Variants in RGL1 observed in about 807,000 individuals in gnomAD.
RGL1 encodes the protein ral guanine nucleotide dissociation stimulator-like 1.
Under a neutral mutation model 95.2 loss-of-function variants are expected in RGL1, and 24 were observed. The ratio of observed to expected loss-of-function variants is 0.25; its 90% CI spans 0.18 to 0.35. The LOEUF (loss-of-function observed/expected upper bound fraction) is 0.35. Among genes scored for constraint, RGL1 ranks in the 10% least tolerant of loss-of-function variants. The pLI, the probability that RGL1 is intolerant of heterozygous loss-of-function variation, is 1.00. For synonymous variants in RGL1, 329 were observed against 344.9 expected (o/e 0.95, Z 0.51); for missense variants, 715 against 936.3 (o/e 0.76, Z 3.08).
intron 2 of RGL1, among the ~76,000 whole-genome samples, chr1:183,843,971 G>A (rs1664243335): frequency 6.6e-6 from 1 of 152,152 alleles, no homozygotes; most frequent in Admixed American, 6.5e-5. Context: ...GAGACTACAG[G>A]CACGCACATT....
intron 1 of RGL1, among the ~76,000 whole-genome samples, chr1:183,737,923 T>A (rs1222752937): frequency 6.6e-6 from 1 of 152,212 alleles, no homozygotes; most frequent in Non-Finnish European, 1.5e-5. Context: ...GTATCAGGTG[T>A]TTTAAATTAA....
intron 2 of RGL1, among the ~76,000 whole-genome samples, chr1:183,841,484 A>G (rs1664054367): frequency 6.6e-6 from 1 of 152,346 alleles, no homozygotes; most frequent in East Asian, 1.9e-4. Context: ...AAGTTTTGTT[A>G]AGTTTGCCAC....
At chr1:183,718,150 G>A (rs1197961064) in intron 1 of RGL1, among the ~76,000 whole-genome samples, 1 of 151,800 alleles carries the variant, frequency 6.6e-6, no homozygotes, top group East Asian at 1.9e-4. Flanking sequence ...GGAGGCTGAG[G>A]CAGGAGAATC....
Position 183,775,226 on chromosome 1 carries a change from C to T in RGL1, c.133-31149C>T, listed in dbSNP as rs575096219. ...AATCTAGACTGAACCCCTGGTGTTT[C>T]GGTAACATATTCCATCTTCTAATGC... On this transcript the variant is annotated intron_variant, in intron 2 of 18. Coordinates refer to the RGL1 transcript ENST00000304685. Among the ~76,000 whole-genome samples, 233 of 152,256 alleles carry T rather than the reference C, an allele frequency of 1.5e-3. 1 individual carries two copies. The highest frequency in any genetic ancestry group is 4.9e-3 in the African/African-American group (202 of 41,544).
Position 183,729,182 on chromosome 1 carries a change from ATATG to A in RGL1, c.-32-12942_-32-12939del, listed in dbSNP as rs1171426705. On this transcript the variant is annotated intron_variant, in intron 1 of 18. Transcript: ENST00000304685. ...GGTAGACCTCAGACAGATAAAATAT[ATATG>A]TGTGTGTGTGTGTGTGTGTGTATAC... Among the ~76,000 whole-genome samples, 30 of 116,940 alleles carry A rather than the reference ATATG, an allele frequency of 2.6e-4. No individual in the cohort carries two copies. In the East Asian group the frequency reaches 0.013, roughly 52 times the overall value. The allele number at this position is 116,940 out of a possible 152,430, so 76.7% of individuals were successfully genotyped here. A position where few individuals can be genotyped will look rare whatever the true frequency, so the allele number is the denominator to read the frequency against.
intron 1 of RGL1, among the ~76,000 whole-genome samples, chr1:183,678,742 G>A (rs11802633): frequency 0.081 from 12,320 of 152,130 alleles, 923 homozygotes; most frequent in African/African-American, 0.2. Flanking sequence ...TTGAAAGAAT[G>A]AGTCTATTTC....
At chr1:183,701,045 G>C (rs1286651420) in intron 1 of RGL1, among the ~76,000 whole-genome samples, 1 of 152,076 alleles carries the variant, frequency 6.6e-6, no homozygotes, top group Non-Finnish European at 1.5e-5. Context: ...TGAGAATGAT[G>C]GCTTCCAGCT....
At chr1:183,866,289 CAAAACAAACA>C (rs1665834671) in intron 4 of RGL1, among the ~76,000 whole-genome samples, 1 of 151,958 alleles carries the variant, frequency 6.6e-6, no homozygotes, top group African/African-American at 2.4e-5. Context: ...CTAAGGTATA[CAAAACAAACA>C]AGTGAAGAAA....
intron 6 of RGL1, 38 bp from the exon 7 acceptor site, chr1:183,884,685 C>G (rs1667013462): frequency 1.3e-6 from 2 of 1,559,670 alleles, no homozygotes; most frequent in Non-Finnish European, 1.8e-6. Context: ...TATGAAATGT[C>G]TGTGTTGTCC....
intron 1 of RGL1, among the ~76,000 whole-genome samples, chr1:183,711,378 G>A (rs1261774662): frequency 6.6e-6 from 1 of 152,136 alleles, no homozygotes; most frequent in Non-Finnish European, 1.5e-5. Flanking sequence ...CATGGAGCCT[G>A]CAGTCTCTCC....
In RGL1 at chr1:183,721,556, G is replaced by A. The variant is rs115855816; in HGVS notation, c.-32-20570G>A. Among the ~76,000 whole-genome samples the A allele has an allele frequency of 8.1e-3, 1,227 of 152,274 alleles. 17 individuals are homozygous for A. The highest frequency in any genetic ancestry group is 0.027 in the African/African-American group (1,135 of 41,562). On this transcript the variant is annotated intron_variant, in intron 1 of 18. Transcript: ENST00000304685. The stretch of plus-strand genomic sequence containing the variant: ...TGTTAGAAAACGCCTTTCCCCTTCT[G>A]TCCTCTGCATACCTCACCAATCTTG...
intron 4 of RGL1, among the ~76,000 whole-genome samples, chr1:183,867,399 G>T (rs1665904989): frequency 6.6e-6 from 1 of 152,140 alleles, no homozygotes; most frequent in Non-Finnish European, 1.5e-5. Context: ...AGGATTTCAG[G>T]GAGGGAGTGA....
At chr1:183,694,431 A>G (rs1338160847) in intron 1 of RGL1, among the ~76,000 whole-genome samples, 1 of 152,180 alleles carries the variant, frequency 6.6e-6, no homozygotes, top group Non-Finnish European at 1.5e-5. Flanking sequence ...TTTTTCTTTC[A>G]GTCCTTCCTC....
At chr1:183,778,447 A>G (rs1659714464) in intron 2 of RGL1, among the ~76,000 whole-genome samples, 1 of 152,220 alleles carries the variant, frequency 6.6e-6, no homozygotes, top group Admixed American at 6.5e-5. Flanking sequence ...TAGTATGGGG[A>G]AAACTGTATA....
chr1:183,815,792 G>A (rs1317845686), intron 2 of RGL1, among the ~76,000 whole-genome samples: 1 of 152,168 alleles, frequency 6.6e-6, no homozygotes, highest in Admixed American at 6.5e-5. Context: ...AGTTATGTAT[G>A]TAAGGTGCTA....
chr1:183,802,640 C>T (rs202045212), upstream of RGL1, among the ~76,000 whole-genome samples: 254 of 91,772 alleles, frequency 2.8e-3, 3 homozygotes, highest in South Asian at 0.011. Flanking sequence ...AACTAATAAA[C>T]AAATTCAGTC....
At position 183,799,981 on chromosome 1, in the gene RGL1, A is replaced by G. The variant is rs531029036; in HGVS notation, c.133-6394A>G. Among the ~76,000 whole-genome samples, 134 of 152,312 alleles carry G rather than the reference A, an allele frequency of 8.8e-4. 2 individuals are homozygous for G. Among genetic ancestry groups the G allele is most frequent in the Non-Finnish European group, 3.2e-4 (22 of 68,020 alleles). ...CTCTATCAGATACTTTACATAGTAT[A>G]TTTCGTGTAATCCTCATGATAAGCA... is the stretch of plus-strand genomic sequence containing the variant. On this transcript the variant is annotated intron_variant, in intron 2 of 18. Coordinates refer to the RGL1 transcript ENST00000304685.
chr1:183,785,076 A>T (rs1660089204), intron 2 of RGL1, among the ~76,000 whole-genome samples: 1 of 152,172 alleles, frequency 6.6e-6, no homozygotes, highest in Non-Finnish European at 1.5e-5. Flanking sequence ...TGCTGCTCTA[A>T]TCCTTTCTCC....
At chr1:183,710,261 C>T (rs1446708098) in intron 1 of RGL1, 2 of 171,072 alleles carry the variant, frequency 1.2e-5, no homozygotes, top group African/African-American at 2.4e-5. Context: ...GCCTCCCCCG[C>T]ACCCCCACTT....
Sources: gnomAD v4.1 joint callset for allele counts (sites outside exome capture counted in the v4.1 genomes callset) on GRCh38, gnomAD v4.1.1 for gene constraint, MANE v1.5 for transcripts, NCBI Gene and HGNC (gene_info 2026-07-23, HGNC 2026-07-21) for gene names.